Variants in TANC2 observed in about 807,000 individuals in gnomAD.
TANC2 encodes the protein protein TANC2.
TANC2 carries 26 observed loss-of-function variants against 210.5 expected under a neutral mutation model. The ratio of observed to expected loss-of-function variants is 0.12; its 90% confidence interval spans 0.09 to 0.17. TANC2 has a LOEUF of 0.17. Among genes scored for constraint, TANC2 ranks in the 10% least tolerant of loss-of-function variants. TANC2 has a pLI of 1.00. For missense variants in TANC2, 2,129 were observed against 2,608.9 expected, an observed-to-expected ratio of 0.82 and a Z score of 4.01; for synonymous variants, 931 against 967.1, an observed-to-expected ratio of 0.96 and a Z score of 0.69.
chr17:63,201,932 T>C (rs1488613205), intron 7 of TANC2, among the ~76,000 whole-genome samples: 1 of 152,164 alleles, frequency 6.6e-6, no homozygotes, highest in African/African-American at 2.4e-5. Context: ...CAGGAAATCT[T>C]TCATCATATT....
chr17:63,401,377 G>A (rs1418341607), intron 19 of TANC2, among the ~76,000 whole-genome samples: 2 of 152,056 alleles, frequency 1.3e-5, no homozygotes, highest in African/African-American at 4.8e-5. Flanking sequence ...AAGAAACTAT[G>A]TAGCCATTAT....
chr17:63,132,276 A>G (rs1273095583), intron 4 of TANC2, among the ~76,000 whole-genome samples: 1 of 151,970 alleles, frequency 6.6e-6, no homozygotes, highest in African/African-American at 2.4e-5. Flanking sequence ...AAATAATGTG[A>G]TGAATAGAGC....
intron 4 of TANC2, among the ~76,000 whole-genome samples, chr17:63,121,205 A>G (rs747647255): frequency 1.3e-5 from 2 of 152,240 alleles, no homozygotes; most frequent in African/African-American, 2.4e-5. Flanking sequence ...TCGGTGATAA[A>G]TGTGTGTTTT....
intron 2 of TANC2, among the ~76,000 whole-genome samples, chr17:63,055,896 G>A (rs1483046249): frequency 7.0e-6 from 1 of 142,924 alleles, no homozygotes; most frequent in Non-Finnish European, 1.5e-5. Flanking sequence ...GGGAGACCAA[G>A]GTGGGAGGAT....
At chr17:63,188,586 C>CA (rs1046526941) in intron 5 of TANC2, among the ~76,000 whole-genome samples, 2,694 of 58,274 alleles carry the variant, frequency 0.046, 56 homozygotes, top group African/African-American at 0.11. Flanking sequence ...AGACTCTGTC[C>CA]AAAAAAAAAA....
At chr17:63,183,183 C>T (rs1278019726) in intron 5 of TANC2, among the ~76,000 whole-genome samples, 1 of 152,194 alleles carries the variant, frequency 6.6e-6, no homozygotes, top group Admixed American at 6.5e-5. Context: ...AGATTGTACA[C>T]TTAACACCAG....
At chr17:63,079,457 T>A (rs1448590772) in intron 3 of TANC2, among the ~76,000 whole-genome samples, 2 of 152,226 alleles carry the variant, frequency 1.3e-5, no homozygotes, top group Non-Finnish European at 2.9e-5. Flanking sequence ...GGATTTTCAG[T>A]TATATTCAGG....
intron 8 of TANC2, among the ~76,000 whole-genome samples, chr17:63,258,621 C>T (rs1041464054): frequency 4.6e-5 from 7 of 152,122 alleles, no homozygotes; most frequent in Non-Finnish European, 1.0e-4. Flanking sequence ...CTCAACACCC[C>T]AGGCCCATGG....
At chr17:63,144,250 C>A (rs774349151) in intron 4 of TANC2, among the ~76,000 whole-genome samples, 1 of 151,978 alleles carries the variant, frequency 6.6e-6, no homozygotes, top group Non-Finnish European at 1.5e-5. Flanking sequence ...TGAAATGAAT[C>A]GTTTTTTCAT....
intron 4 of TANC2, among the ~76,000 whole-genome samples, chr17:63,136,500 A>G (rs1208455871): frequency 6.6e-6 from 1 of 152,252 alleles, no homozygotes; most frequent in Non-Finnish European, 1.5e-5. Flanking sequence ...AATGTAAACT[A>G]GTTAATTCAT....
intron 1 of TANC2, chr17:62,978,351 C>T (rs2032132271): frequency 6.6e-6 from 1 of 152,056 alleles, no homozygotes; most frequent in Admixed American, 6.5e-5. Context: ...GAGTTAGGGG[C>T]TTCGTATTGT....
intron 2 of TANC2, among the ~76,000 whole-genome samples, chr17:63,070,457 C>T (rs545555081): frequency 1.3e-4 from 20 of 152,264 alleles, no homozygotes; most frequent in African/African-American, 3.4e-4. Flanking sequence ...GCCCCTAGGC[C>T]GGACATCATT....
chr17:63,411,429 G>A (rs1018035307), intron 21 of TANC2, 82 bp from the exon 22 acceptor site: 2 of 1,364,012 alleles, frequency 1.5e-6, no homozygotes, highest in Admixed American at 2.2e-5. Flanking sequence ...TTCTTTGCAG[G>A]AGCATGCCCC....
chr17:63,123,341 A>G (rs928381626), intron 4 of TANC2, among the ~76,000 whole-genome samples: 7 of 151,992 alleles, frequency 4.6e-5, no homozygotes, highest in Non-Finnish European at 8.8e-5. Flanking sequence ...GCGGATCACA[A>G]GGTCAGGAGA....
intron 2 of TANC2, among the ~76,000 whole-genome samples, chr17:63,010,521 G>A (rs192557247): frequency 1.0e-4 from 15 of 149,204 alleles, no homozygotes; most frequent in African/African-American, 3.7e-4. Context: ...CCAACTGTAT[G>A]TCCTACAATT....
At chr17:63,331,922 T>C (rs1316843519) in intron 11 of TANC2, 2 of 233,082 alleles carry the variant, frequency 8.6e-6, no homozygotes, top group African/African-American at 4.7e-5. Flanking sequence ...CTTCTCTCCA[T>C]TTGGCGGTAT....
chr17:63,360,915 C>T (rs927383387), intron 14 of TANC2, among the ~76,000 whole-genome samples: 1 of 152,188 alleles, frequency 6.6e-6, no homozygotes. Flanking sequence ...CAGTGCCTGG[C>T]TTATTTCACT....
At chr17:63,221,094 T>C (rs2042175356) in intron 7 of TANC2, among the ~76,000 whole-genome samples, 2 of 151,714 alleles carry the variant, frequency 1.3e-5, no homozygotes, top group South Asian at 4.1e-4. Flanking sequence ...GAAAAATAAC[T>C]GATGTTTGAC....
At chr17:63,233,153 C>T (rs1445838435) in intron 7 of TANC2, among the ~76,000 whole-genome samples, 2 of 152,188 alleles carry the variant, frequency 1.3e-5, no homozygotes, top group East Asian at 3.9e-4. Context: ...GGCTGCTGCC[C>T]CTCTTCCCAG....
Sources: gnomAD v4.1 joint callset for allele counts (sites outside exome capture counted in the v4.1 genomes callset) on GRCh38, gnomAD v4.1.1 for gene constraint, MANE v1.5 for transcripts, NCBI Gene and HGNC (gene_info 2026-07-23, HGNC 2026-07-21) for gene names.